The following ICE1 variants were observed in gnomAD, a reference collection of about 807,000 sequenced individuals.
ICE1 encodes little elongation complex subunit 1.
A neutral mutation model predicts 192.7 loss-of-function variants in ICE1; 64 were observed. The ratio of observed to expected loss-of-function variants is 0.33; its 90% CI spans 0.27 to 0.41. The LOEUF is 0.41. Among genes scored for constraint, ICE1 ranks in the 10% least tolerant of loss-of-function variants. The pLI is 1.00. For synonymous variants in ICE1, 1,010 were observed against 984.5 expected, an observed-to-expected ratio of 1.03 and a Z score of -0.49; for missense variants, 2,708 against 2,696.0, an observed-to-expected ratio of 1.00 and a Z score of -0.10.
At position 5,464,215 on chromosome 5, in the gene ICE1, G is replaced by A. The variant is rs1389425998; in HGVS notation, c.4881G>A (p.Glu1627=). 3.7e-6 allele frequency: 6 copies of A among 1,613,600 alleles called. No homozygotes were observed. In the Admixed American group the frequency reaches 5.0e-5, roughly 13 times the overall value. The change falls in exon 13 of 19, where the codon GAG becomes GAA. Residue 1627 remains glutamate, a synonymous_variant. Transcript: ENST00000296564. The surrounding 1 kb of genome is among the most constrained non-coding windows in gnomAD (Gnocchi z 4.0). ...SPDTLSKIRQ[E]VGPPLPPLLA... ...ACACACTGAGTAAAATACGGCAAGA[G>A]GTGGGGCCTCCTTTGCCGCCTCTGC... is the stretch of plus-strand genomic sequence containing the variant.
chr5:5,446,411 C>T (rs945324573), intron 7 of ICE1, among the ~76,000 whole-genome samples: 3 of 152,022 alleles, frequency 2.0e-5, no homozygotes, highest in African/African-American at 7.3e-5. Flanking sequence ...TATTCCACCT[C>T]CTGAGTAGCT....
intron 3 of ICE1, 23 bp from the exon 4 acceptor site, chr5:5,439,872 G>A: frequency 6.6e-7 from 1 of 1,514,690 alleles, no homozygotes; most frequent in Non-Finnish European, 8.9e-7. Flanking sequence ...AAAATTCTCA[G>A]AGTTTTCTTT....
chr5:5,474,476 A>T lies in ICE1; in HGVS notation c.6413+728A>T, dbSNP rs139820730. Among the ~76,000 whole-genome samples, 12 of 152,294 alleles carry T rather than the reference A, an allele frequency of 7.9e-5. No individual in the cohort carries two copies. The East Asian group carries it at 2.3e-3, about 29-fold the overall frequency. Reference sequence around the variant, plus strand: ...TCATTATCGTAACATACAGATACTCACAAAACCTAAAGGGAAGAGAAATAT... The same window carrying T: ...TCATTATCGTAACATACAGATACTCTCAAAACCTAAAGGGAAGAGAAATAT... On this transcript the variant is annotated intron_variant, in intron 16 of 18. Coordinates refer to ENST00000296564, the MANE Select transcript of ICE1 (RefSeq NM_015325.3).
At chr5:5,467,448 T>C (rs2111390317) in intron 14 of ICE1, among the ~76,000 whole-genome samples, 1 of 152,358 alleles carries the variant, frequency 6.6e-6, no homozygotes, top group East Asian at 1.9e-4. Flanking sequence ...TAGCTCAAGC[T>C]TTTGTGCTGA....
At position 5,468,798 on chromosome 5, in the gene ICE1, A is replaced by C. The variant is rs1388368714; in HGVS notation, c.6062-30A>C. The stretch of plus-strand genomic sequence containing the variant: ...ATTTATTTACTCGATCATACATCAA[A>C]GAGTTATTGTATTATTTTATTTCTG... On this transcript the variant is annotated intron_variant, in intron 14 of 18. Transcript: ENST00000296564. 3.0e-6 allele frequency: 4 copies of C among 1,338,652 alleles called. No homozygotes were observed. In the African/African-American group the frequency reaches 6.0e-5, roughly 20 times the overall value. 82.9% of individuals were successfully genotyped at this position (1,338,652 alleles called of 1,614,324 possible).
chr5:5,469,760 T>C (rs1739101420), intron 15 of ICE1, among the ~76,000 whole-genome samples: 1 of 152,184 alleles, frequency 6.6e-6, no homozygotes, highest in Admixed American at 6.5e-5. Flanking sequence ...AGGAAAGAGC[T>C]TTTGGTGGTC....
intron 1 of ICE1, 60 bp from the exon 2 acceptor site, chr5:5,436,336 AGATATGATAAATAATGTTACAG>A: frequency 2.4e-6 from 2 of 817,658 alleles, no homozygotes; most frequent in Non-Finnish European, 3.7e-6. Context: ...TAAAATTCTT[AGATATGATAAATAATGTTACAG>A]ACAATAATTA....
intron 11 of ICE1, among the ~76,000 whole-genome samples, chr5:5,456,982 C>T (rs1467475238): frequency 1.3e-5 from 2 of 152,164 alleles, no homozygotes; most frequent in African/African-American, 2.4e-5. Flanking sequence ...AGTTGTTTCT[C>T]TGCCAGATTC....
intron 17 of ICE1, among the ~76,000 whole-genome samples, chr5:5,476,489 C>G (rs1739316196): frequency 6.6e-6 from 1 of 152,098 alleles, no homozygotes; most frequent in Non-Finnish European, 1.5e-5. Flanking sequence ...CATTGGCTTC[C>G]AGTTCTGCAG....
chr5:5,482,307 C>T (rs928492675), intron 17 of ICE1, among the ~76,000 whole-genome samples: 1 of 151,990 alleles, frequency 6.6e-6, no homozygotes, highest in African/African-American at 2.4e-5. Context: ...GACTGATATA[C>T]AATACAATTA....
rs1738781539 is a variant in ICE1, at chr5:5,461,589, G to C, written c.2255G>C (p.Cys752Ser). Reference protein sequence around the residue: ...VFMKATKDGQCESQDPRIELT... With the variant: ...VFMKATKDGQSESQDPRIELT... ...ATGAAAGCTACAAAAGATGGGCAAT[G>C]TGAAAGTCAAGATCCAAGAATTGAG... The change falls in exon 13 of 19, where the codon TGT (cysteine) becomes TCT (serine). Residue 752 changes from cysteine (C) to serine (S), a missense_variant. Coordinates refer to ENST00000296564, the MANE Select transcript of ICE1 (RefSeq NM_015325.3). 7 of 1,613,198 alleles carry C rather than the reference G, an allele frequency of 4.3e-6. No individual in the cohort carries two copies. Among genetic ancestry groups the C allele is most frequent in the Non-Finnish European group, 5.9e-6 (7 of 1,179,484 alleles).
At chr5:5,471,854 A>T (rs530783213) in intron 15 of ICE1, among the ~76,000 whole-genome samples, 2 of 152,128 alleles carry the variant, frequency 1.3e-5, no homozygotes, top group Non-Finnish European at 2.9e-5. Flanking sequence ...GGGTTCTTCA[A>T]GGTGGTTCCT....
intron 10 of ICE1, among the ~76,000 whole-genome samples, chr5:5,449,895 A>G (rs1455474505): frequency 2.0e-5 from 3 of 152,200 alleles, no homozygotes; most frequent in Non-Finnish European, 2.9e-5. Context: ...AGAAAACAAG[A>G]TGTTTATATA....
chr5:5,440,368 G>T (rs185133119), intron 4 of ICE1, among the ~76,000 whole-genome samples: 42 of 152,308 alleles, frequency 2.8e-4, no homozygotes, highest in East Asian at 2.5e-3. Context: ...CCATAAAATT[G>T]CCTGTCACTT....
intron 5 of ICE1, among the ~76,000 whole-genome samples, chr5:5,441,801 T>C (rs566571995): frequency 1.3e-5 from 2 of 152,358 alleles, no homozygotes; most frequent in Middle Eastern, 6.8e-3. Flanking sequence ...ACTGCTTTGT[T>C]TGATCCCTTT....
At chr5:5,472,159 T>C (rs143518637) in intron 15 of ICE1, among the ~76,000 whole-genome samples, 3 of 152,256 alleles carry the variant, frequency 2.0e-5, no homozygotes, top group East Asian at 3.9e-4. Context: ...TTTAAACATA[T>C]TCATAAACTT....
intron 1 of ICE1, among the ~76,000 whole-genome samples, chr5:5,424,853 T>C (rs1737476431): frequency 6.6e-6 from 1 of 152,110 alleles, no homozygotes; most frequent in African/African-American, 2.4e-5. Flanking sequence ...AGAAGGCCAG[T>C]GAAGCTGGAG....
At position 5,464,857 on chromosome 5, in the gene ICE1, A is replaced by G. The variant is rs752017159; in HGVS notation, c.5523A>G (p.Thr1841=). 10 of 1,613,188 alleles carry G rather than the reference A, an allele frequency of 6.2e-6. No homozygotes were observed. Among genetic ancestry groups the G allele is most frequent in the African/African-American group, 1.3e-5 (1 of 74,904 alleles). ...GGAAAAGAACACTGTCAACGTCTACACTGAGAAGTGCTAAAAGACTGCGCC... is the reference window on the plus strand; with the variant it reads ...GGAAAAGAACACTGTCAACGTCTACGCTGAGAAGTGCTAAAAGACTGCGCC... The part of the protein sequence containing the change: ...SSGKRTLSTS[T]LRSAKRLRLD... The change falls in exon 13 of 19, where the codon ACA becomes ACG. Residue 1841 remains threonine (T), a synonymous_variant. Coordinates refer to ENST00000296564, the MANE Select transcript of ICE1 (RefSeq NM_015325.3). The surrounding 1 kb of genome is among the most constrained non-coding windows in gnomAD (Gnocchi z 4.0).
At chr5:5,480,539 G>A (rs1353317980) in intron 17 of ICE1, among the ~76,000 whole-genome samples, 2 of 152,018 alleles carry the variant, frequency 1.3e-5, no homozygotes, top group South Asian at 2.1e-4. Flanking sequence ...GAGCCACCGC[G>A]CCCAGCCGGA....
Sources: allele counts gnomAD v4.1 joint callset (sites outside exome capture counted in the v4.1 genomes callset), GRCh38; gene constraint gnomAD v4.1.1; non-coding constraint Gnocchi (gnomAD v3.1); transcripts MANE v1.5; gene names NCBI Gene and HGNC (gene_info 2026-07-23, HGNC 2026-07-21).